The following CSMD1 variants were observed in gnomAD, a reference collection of about 807,000 sequenced individuals.
CSMD1 encodes CUB and Sushi multiple domains 1.
CSMD1 carries 213 observed loss-of-function variants against 417.5 expected under a neutral mutation model. The ratio of observed to expected loss-of-function variants is 0.51; its 90% CI spans 0.46 to 0.57. CSMD1 has a LOEUF of 0.57. Among genes scored for constraint, CSMD1 ranks in the 20% least tolerant of loss-of-function variants. CSMD1 has a pLI of 0.00. For synonymous variants in CSMD1, 2,862 were observed against 1,736.8 expected, an observed-to-expected ratio of 1.65 and a Z score of -16.11; for missense variants, 6,923 against 4,529.7, an observed-to-expected ratio of 1.53 and a Z score of -15.17.
At chr8:3,263,310 G>T (rs1358930491) in intron 26 of CSMD1, among the ~76,000 whole-genome samples, 1 of 152,128 alleles carries the variant, frequency 6.6e-6, no homozygotes, top group African/African-American at 2.4e-5. Context: ...TGTTGGCCAG[G>T]CTAGTCTCGA....
At chr8:3,568,674 G>A (rs527873227) in intron 10 of CSMD1, among the ~76,000 whole-genome samples, 4 of 152,008 alleles carry the variant, frequency 2.6e-5, no homozygotes, top group East Asian at 3.9e-4. Context: ...TCTCATTCCA[G>A]CTGATATACT....
intron 21 of CSMD1, among the ~76,000 whole-genome samples, chr8:3,352,845 A>C (rs1808506144): frequency 6.6e-6 from 1 of 151,620 alleles, no homozygotes; most frequent in Non-Finnish European, 1.5e-5. Flanking sequence ...TGTCTCAAAA[A>C]ACAAACAAAC....
chr8:3,772,944 G>A (rs973184659), intron 5 of CSMD1, among the ~76,000 whole-genome samples: 1 of 152,032 alleles, frequency 6.6e-6, no homozygotes, highest in Non-Finnish European at 1.5e-5. Flanking sequence ...TCTGGGGTCT[G>A]GAGGTTCACT....
chr8:4,299,447 A>G (rs960673597), intron 3 of CSMD1, among the ~76,000 whole-genome samples: 1 of 152,168 alleles, frequency 6.6e-6, no homozygotes, highest in Admixed American at 6.5e-5. Context: ...TCAAAAAGCC[A>G]CTAGTAATTG....
At chr8:3,150,295 G>A (rs1179736457) in intron 40 of CSMD1, among the ~76,000 whole-genome samples, 2 of 152,188 alleles carry the variant, frequency 1.3e-5, no homozygotes, top group Non-Finnish European at 1.5e-5. Flanking sequence ...ACTGGGAGGT[G>A]ACGGACTCCC....
intron 5 of CSMD1, among the ~76,000 whole-genome samples, chr8:3,762,552 G>A (rs906347985): frequency 1.3e-5 from 2 of 152,244 alleles, no homozygotes; most frequent in Non-Finnish European, 2.9e-5. Context: ...TAGCACAGGC[G>A]TGTAACTCCA....
rs553598613 is a variant in CSMD1, at chr8:3,839,273, AAT to A, written c.819-85233_819-85232del. Among the ~76,000 whole-genome samples the A allele has an allele frequency of 6.9e-3, 866 of 124,754 alleles. 4 individuals are homozygous for A. The highest frequency in any genetic ancestry group is 0.037 in the Middle Eastern group (4 of 108). The allele number at this position is 124,754 out of a possible 152,430, so 81.8% of individuals were successfully genotyped here. A position where few individuals can be genotyped will look rare whatever the true frequency, so the allele number is the denominator to read the frequency against. On this transcript the variant is annotated intron_variant, in intron 5 of 69. Coordinates refer to ENST00000635120, the MANE Select transcript of CSMD1 (RefSeq NM_033225.6). ...ATATATATTACTTATATATACTATT[AAT>A]ATATAATATTAATTATATATACTAT...
At chr8:4,035,513 C>A (rs1383826079) in intron 3 of CSMD1, among the ~76,000 whole-genome samples, 2 of 152,270 alleles carry the variant, frequency 1.3e-5, no homozygotes, top group Middle Eastern at 3.4e-3. Flanking sequence ...CCCCGAAGAC[C>A]TTCTGGTGGG....
At chr8:3,512,150 A>G (rs1404773001) in intron 10 of CSMD1, among the ~76,000 whole-genome samples, 2 of 152,154 alleles carry the variant, frequency 1.3e-5, no homozygotes, top group Non-Finnish European at 2.9e-5. Flanking sequence ...CATAGCACCA[A>G]ACATGTCCTT....
At chr8:3,942,125 G>A (rs1020552152) in intron 5 of CSMD1, among the ~76,000 whole-genome samples, 6 of 152,032 alleles carry the variant, frequency 3.9e-5, no homozygotes, top group African/African-American at 1.4e-4. Flanking sequence ...GTCACGCTGA[G>A]ATGGGATCGT....
intron 2 of CSMD1, among the ~76,000 whole-genome samples, chr8:4,619,689 G>C (rs991328577): frequency 4.7e-4 from 72 of 152,212 alleles, no homozygotes; most frequent in Non-Finnish European, 8.1e-4. Context: ...CACTAAAAAA[G>C]ACTTTTGAAG....
Position 3,157,864 on chromosome 8 carries a change from G to A in CSMD1, c.5914+33C>T, listed in dbSNP as rs772822866. 3.8e-5 allele frequency: 58 copies of A among 1,514,234 alleles called. No homozygotes were observed. In the Middle Eastern group the frequency reaches 8.4e-4, roughly 22 times the overall value. The allele number at this position is 1,514,234 out of a possible 1,614,324, so 93.8% of individuals were successfully genotyped here. On this transcript the variant is annotated intron_variant, in intron 39 of 69. Transcript: ENST00000635120. Reference sequence around the variant, plus strand: ...CAGGCATGTTCTTCCCAGTGTGTGCGCAGCAGCAGAGTTACAGAAGGTGCA... The same window carrying A: ...CAGGCATGTTCTTCCCAGTGTGTGCACAGCAGCAGAGTTACAGAAGGTGCA...
Position 3,862,651 on chromosome 8 carries a change from T to C in CSMD1, c.819-108609A>G, listed in dbSNP as rs910290380. ...TTGCTGAATAAACCAAATCTCTAAA[T>C]ATTTCTTTGGTTATTTGCATTCAAC... On this transcript the variant is annotated intron_variant, in intron 5 of 69. Coordinates refer to ENST00000635120, the MANE Select transcript of CSMD1 (RefSeq NM_033225.6). 1.4e-4 allele frequency among the ~76,000 whole-genome samples: 22 copies of C among 152,260 alleles called. 1 individual carries two copies. Among genetic ancestry groups the C allele is most frequent in the African/African-American group, 5.1e-4 (21 of 41,472 alleles).
intron 52 of CSMD1, among the ~76,000 whole-genome samples, chr8:3,015,755 G>T (rs1808776682): frequency 6.6e-6 from 1 of 152,156 alleles, no homozygotes; most frequent in East Asian, 1.9e-4. Flanking sequence ...ATTTTCAAAA[G>T]AGCCGTAACC....
chr8:4,812,300 G>A (rs549333655), intron 1 of CSMD1, among the ~76,000 whole-genome samples: 1 of 152,302 alleles, frequency 6.6e-6, no homozygotes, highest in South Asian at 2.1e-4. Context: ...TTTTCTCCCA[G>A]TTTGGGATAG....
chr8:4,830,762 A>G (rs1424332530), intron 1 of CSMD1, among the ~76,000 whole-genome samples: 1 of 152,244 alleles, frequency 6.6e-6, no homozygotes, highest in African/African-American at 2.4e-5. Context: ...TTTAAGAAAT[A>G]TAAGCATAGG....
chr8:3,086,256 T>C (rs542280182), intron 49 of CSMD1, among the ~76,000 whole-genome samples: 45 of 152,354 alleles, frequency 3.0e-4, no homozygotes, highest in East Asian at 3.9e-4. Flanking sequence ...ATCTCTATGT[T>C]TATTTTACAT....
intron 3 of CSMD1, among the ~76,000 whole-genome samples, chr8:4,174,153 G>A (rs73180496): frequency 0.1 from 15,460 of 152,112 alleles, 962 homozygotes; most frequent in Middle Eastern, 0.19. Context: ...CCAAAGGCTC[G>A]TGGCTGCCCC....
chr8:4,453,321 T>G (rs146986834), intron 2 of CSMD1, among the ~76,000 whole-genome samples: 1 of 152,006 alleles, frequency 6.6e-6, no homozygotes, highest in African/African-American at 2.4e-5. Context: ...CCCCAAGAAT[T>G]CAGACTCCCA....
Sources: gnomAD v4.1 joint callset for allele counts (sites outside exome capture counted in the v4.1 genomes callset) on GRCh38, gnomAD v4.1.1 for gene constraint, MANE v1.5 for transcripts, NCBI Gene and HGNC (gene_info 2026-07-23, HGNC 2026-07-21) for gene names.